The following GRK7 variants were observed in gnomAD, a reference collection of about 807,000 sequenced individuals.
GRK7 encodes rhodopsin kinase GRK7.
A neutral mutation model predicts 34.1 loss-of-function variants in GRK7; 24 were observed. That is an observed-to-expected ratio of 0.70 (90% CI 0.51 to 0.99). The LOEUF is 0.99. Among genes scored for constraint, GRK7 ranks in the 50% least tolerant of loss-of-function variants. The pLI is 0.00. For missense variants in GRK7, 644 were observed against 707.3 expected, an observed-to-expected ratio of 0.91 and a Z score of 1.02; for synonymous variants, 256 against 279.4, an observed-to-expected ratio of 0.92 and a Z score of 0.84.
intron 1 of GRK7, among the ~76,000 whole-genome samples, chr3:141,765,940 T>A (rs1019032319): frequency 6.6e-6 from 1 of 152,184 alleles, no homozygotes; most frequent in African/African-American, 2.4e-5. Context: ...AAGAGGTGTT[T>A]AAGTGTCACC....
intron 4 of GRK7, among the ~76,000 whole-genome samples, chr3:141,791,585 C>G (rs1251499896): frequency 6.6e-6 from 1 of 152,210 alleles, no homozygotes; most frequent in African/African-American, 2.4e-5. Context: ...CAAAAATATT[C>G]ATTACAGTCT....
Position 141,819,015 on chromosome 3 carries a change from C to T in GRK7, c.*1965C>T, listed in dbSNP as rs74839885. Among the ~76,000 whole-genome samples, 9,197 of 152,088 alleles carry T rather than the reference C, an allele frequency of 0.06. 323 individuals are homozygous for T. Among genetic ancestry groups the T allele is most frequent in the African/African-American group, 0.11 (4,520 of 41,438 alleles). On this transcript the variant is annotated 3_prime_UTR_variant, in exon 6 of 6. Coordinates refer to ENST00000682958, the MANE Select transcript of GRK7 (RefSeq NM_139209.3). ...TAGGATGCTTAGATTTCTGTGTCACCAAAGCAGGATAGAAGTGTGCCCAGG... is the reference window on the plus strand; with the variant it reads ...TAGGATGCTTAGATTTCTGTGTCACTAAAGCAGGATAGAAGTGTGCCCAGG...
intron 4 of GRK7, among the ~76,000 whole-genome samples, chr3:141,798,454 TAC>T (rs1317329589): frequency 2.0e-5 from 3 of 151,504 alleles, no homozygotes; most frequent in East Asian, 1.9e-4. Flanking sequence ...ATAAAACACA[TAC>T]ACACACACAC....
At chr3:141,810,279 C>G (rs1053801631) in intron 5 of GRK7, among the ~76,000 whole-genome samples, 2 of 151,612 alleles carry the variant, frequency 1.3e-5, no homozygotes, top group Admixed American at 1.3e-4. Context: ...TCTCTCCCCC[C>G]TCTTTTCTCT....
intron 2 of GRK7, among the ~76,000 whole-genome samples, chr3:141,777,685 G>A (rs896209735): frequency 1.1e-4 from 17 of 151,432 alleles, no homozygotes; most frequent in Admixed American, 4.0e-4. Flanking sequence ...CATCTGCCCT[G>A]GCCAACACTG....
chr3:141,813,794 C>G (rs1256073631), intron 5 of GRK7, among the ~76,000 whole-genome samples: 2 of 152,164 alleles, frequency 1.3e-5, no homozygotes, highest in Non-Finnish European at 2.9e-5. Context: ...AAAAAGTCAC[C>G]TATTTACTCT....
At position 141,817,194 on chromosome 3, in the gene GRK7, A is replaced by C; in HGVS notation, c.*144A>C. The stretch of plus-strand genomic sequence containing the variant: ...AACAATTCAAAAGACAGGCAAGCTC[A>C]CTACTAGAACACATTTTATTTTCTT... On this transcript the variant is annotated 3_prime_UTR_variant, in exon 6 of 6. Coordinates refer to ENST00000682958, the MANE Select transcript of GRK7 (RefSeq NM_139209.3). 3.5e-6 allele frequency: 2 copies of C among 565,024 alleles called. No homozygotes were observed. Among genetic ancestry groups the C allele is most frequent in the Non-Finnish European group, 3.0e-6 (1 of 328,290 alleles). The allele number at this position is 565,024 out of a possible 1,614,324, so 35.0% of individuals were successfully genotyped here. A position where few individuals can be genotyped will look rare whatever the true frequency, so the allele number is the denominator to read the frequency against.
In GRK7 at chr3:141,775,838, CAT is replaced by C. The variant is rs1340731733; in HGVS notation, c.-114+1161_-114+1162del. On this transcript the variant is annotated intron_variant, in intron 2 of 5. Coordinates refer to ENST00000682958, the MANE Select transcript of GRK7 (RefSeq NM_139209.3). Reference sequence around the variant, plus strand: ...GTAGTTGCTAGAAAATTTTTAATTACATATGTGGCTTCATATTTTCTACTGGG... The same window carrying C: ...GTAGTTGCTAGAAAATTTTTAATTACATGTGGCTTCATATTTTCTACTGGG... Among the ~76,000 whole-genome samples the C allele has an allele frequency of 1.6e-4, 25 of 151,786 alleles. No homozygotes were observed. In the East Asian group the frequency reaches 3.5e-3, roughly 21 times the overall value.
At chr3:141,781,480 T>G (rs889513271) in intron 4 of GRK7, among the ~76,000 whole-genome samples, 4 of 147,766 alleles carry the variant, frequency 2.7e-5, no homozygotes, top group African/African-American at 1.0e-4. Context: ...GAAGTTGTAG[T>G]GAGCCGAGAT....
chr3:141,778,837 C>A lies in GRK7; in HGVS notation c.553C>A (p.Pro185Thr). 1 of 1,612,376 alleles carries A rather than the reference C, an allele frequency of 6.2e-7. No homozygotes were observed. The highest frequency in any genetic ancestry group is 1.1e-5 in the South Asian group (1 of 90,742). Residue 185 changes from proline to threonine, a missense_variant, in exon 3 of 6, where the codon CCA becomes ACA. Pro to Thr is a conservative substitution (Grantham distance 38). Transcript: ENST00000682958. This position sits in a 1 kb window ranked among gnomAD's most constrained non-coding sequence, Gnocchi z 4.1. ...FLQWKLFEMQ[P>T]VSDKYFTEFR... The stretch of plus-strand genomic sequence containing the variant: ...GCAGTGGAAACTCTTCGAGATGCAA[C>A]CAGTGTCAGACAAGTACTTCACTGA...
At chr3:141,790,475 A>G (rs560096190) in intron 4 of GRK7, among the ~76,000 whole-genome samples, 4 of 152,140 alleles carry the variant, frequency 2.6e-5, no homozygotes, top group Non-Finnish European at 5.9e-5. Flanking sequence ...CCACCTACAC[A>G]GGGAATGACG....
chr3:141,794,631 T>C (rs2084740766), intron 4 of GRK7, among the ~76,000 whole-genome samples: 1 of 152,198 alleles, frequency 6.6e-6, no homozygotes. Flanking sequence ...AATTTTGTTT[T>C]GAAAAGATTA....
chr3:141,813,419 G>T (rs1711116969), intron 5 of GRK7, among the ~76,000 whole-genome samples: 1 of 152,198 alleles, frequency 6.6e-6, no homozygotes, highest in African/African-American at 2.4e-5. Flanking sequence ...GAGCCATGGT[G>T]CCCGGCCTAA....
chr3:141,780,355 CTT>C lies in GRK7; in HGVS notation c.613-16_613-15del. On this transcript the variant is annotated splice_polypyrimidine_tract_variant and intron_variant, in intron 3 of 5. Coordinates refer to ENST00000682958, the MANE Select transcript of GRK7 (RefSeq NM_139209.3). Reference sequence around the variant, plus strand: ...CCATCTACTTCTACCTCTTTCTCTTCTTTTCTTTCTCCTTTAAGGTATGTGCC... The same window carrying C: ...CCATCTACTTCTACCTCTTTCTCTTCTTCTTTCTCCTTTAAGGTATGTGCC... 1 of 1,604,308 alleles carries C rather than the reference CTT, an allele frequency of 6.2e-7. No individual in the cohort carries two copies. Among genetic ancestry groups the C allele is most frequent in the Non-Finnish European group, 8.5e-7 (1 of 1,174,148 alleles).
chr3:141,753,002 A>G, the GRK7 span, among the ~76,000 whole-genome samples: 1 of 152,128 alleles, frequency 6.6e-6, no homozygotes, highest in Non-Finnish European at 1.5e-5. Context: ...TTGTGAGAAA[A>G]TACATTTCTG....
chr3:141,814,415 C>G (rs1711126221), intron 5 of GRK7, among the ~76,000 whole-genome samples: 1 of 152,100 alleles, frequency 6.6e-6, no homozygotes, highest in African/African-American at 2.4e-5. Context: ...TCTGCTGTTC[C>G]CATCTTTATG....
intron 5 of GRK7, among the ~76,000 whole-genome samples, chr3:141,815,699 CTGTGTGTGTGTG>C (rs61336912): frequency 6.9e-6 from 1 of 145,912 alleles, no homozygotes; most frequent in African/African-American, 2.6e-5. Flanking sequence ...CTATTTTGAG[CTGTGTGTGTGTG>C]TGTGTGTGTG....
intron 4 of GRK7, among the ~76,000 whole-genome samples, chr3:141,807,346 G>T (rs1250207752): frequency 1.3e-5 from 2 of 152,138 alleles, no homozygotes; most frequent in Non-Finnish European, 2.9e-5. Flanking sequence ...CCTAAGAGAG[G>T]TAACAGATTT....
At chr3:141,803,153 G>A (rs1710988085) in intron 4 of GRK7, among the ~76,000 whole-genome samples, 2 of 151,930 alleles carry the variant, frequency 1.3e-5, no homozygotes, top group Non-Finnish European at 2.9e-5. Flanking sequence ...CTGGCTGGGC[G>A]CAGTGGCTCA....
Sources: allele counts gnomAD v4.1 joint callset (sites outside exome capture counted in the v4.1 genomes callset), GRCh38; gene constraint gnomAD v4.1.1; non-coding constraint Gnocchi (gnomAD v3.1); transcripts MANE v1.5; gene names NCBI Gene and HGNC (gene_info 2026-07-23, HGNC 2026-07-21).